NAALADL2: variants seen among roughly 807,000 people sequenced by gnomAD.
NAALADL2 encodes inactive N-acetylated-alpha-linked acidic dipeptidase-like protein 2.
Under a neutral mutation model 87.2 loss-of-function variants are expected in NAALADL2, and 76 were observed. The observed-to-expected ratio is 0.87, with a 90% confidence interval of 0.72 to 1.05. The LOEUF (loss-of-function observed/expected upper bound fraction) is 1.05, where lower values mean the gene tolerates loss of function less well. NAALADL2 is among the 50% of genes least tolerant of loss of function. The pLI is 0.00. For synonymous variants in NAALADL2, 354 were observed against 331.0 expected, an observed-to-expected ratio of 1.07 and a Z score of -0.75; for missense variants, 1,089 against 945.8, an observed-to-expected ratio of 1.15 and a Z score of -1.99.
At chr3:174,452,803 C>T (rs1263807741) in intron 1 of NAALADL2, among the ~76,000 whole-genome samples, 6 of 151,676 alleles carry the variant, frequency 4.0e-5, no homozygotes, top group South Asian at 4.2e-4. Context: ...CTTTAAAAAT[C>T]GAAGGAACAT....
At chr3:175,677,086 T>C (rs1267076246) in intron 11 of NAALADL2, among the ~76,000 whole-genome samples, 3 of 152,128 alleles carry the variant, frequency 2.0e-5, no homozygotes, top group Non-Finnish European at 4.4e-5. Flanking sequence ...AAGGACTGGC[T>C]GGGCATGGTG....
chr3:174,522,144 C>T (rs1263712458), intron 1 of NAALADL2, among the ~76,000 whole-genome samples: 2 of 152,250 alleles, frequency 1.3e-5, no homozygotes, highest in South Asian at 2.1e-4. Context: ...TGTTAATACA[C>T]GTCTCATAGA....
At chr3:175,721,555 A>G (rs1172972323) in intron 11 of NAALADL2, among the ~76,000 whole-genome samples, 1 of 152,096 alleles carries the variant, frequency 6.6e-6, no homozygotes, top group African/African-American at 2.4e-5. Flanking sequence ...TTTTCTAATT[A>G]GAGGATGAGC....
intron 3 of NAALADL2, among the ~76,000 whole-genome samples, chr3:174,847,690 T>A (rs1724785033): frequency 6.6e-6 from 1 of 152,156 alleles, no homozygotes; most frequent in South Asian, 2.1e-4. Flanking sequence ...AGCACCATTT[T>A]ATGGATGATG....
At chr3:174,951,118 A>G (rs944127791) in intron 1 of NAALADL2, among the ~76,000 whole-genome samples, 1 of 152,124 alleles carries the variant, frequency 6.6e-6, no homozygotes, top group African/African-American at 2.4e-5. Flanking sequence ...TTCAAATTAC[A>G]TCATTTCCTG....
intron 3 of NAALADL2, among the ~76,000 whole-genome samples, chr3:174,829,090 GTTT>G (rs201968760): frequency 1.4e-5 from 2 of 146,312 alleles, no homozygotes; most frequent in Non-Finnish European, 3.0e-5. Context: ...TATTACATCT[GTTT>G]TTTTTTGTTG....
At chr3:175,489,468 C>T (rs1212294493) in intron 9 of NAALADL2, among the ~76,000 whole-genome samples, 1 of 152,116 alleles carries the variant, frequency 6.6e-6, no homozygotes, top group Non-Finnish European at 1.5e-5. Flanking sequence ...GATGTTTCCT[C>T]AAGTCATTCT....
intron 11 of NAALADL2, among the ~76,000 whole-genome samples, chr3:175,723,093 A>T (rs1742459463): frequency 6.6e-6 from 1 of 152,088 alleles, no homozygotes; most frequent in South Asian, 2.1e-4. Context: ...GCGTCTAGTC[A>T]AGCTGTCCTA....
At chr3:174,451,387 A>T (rs1448107096) in intron 1 of NAALADL2, among the ~76,000 whole-genome samples, 1 of 152,234 alleles carries the variant, frequency 6.6e-6, no homozygotes, top group East Asian at 1.9e-4. Flanking sequence ...AAATATAAAA[A>T]TCTAATTGTG....
intron 1 of NAALADL2, among the ~76,000 whole-genome samples, chr3:175,094,064 G>A (rs1720667075): frequency 6.6e-6 from 1 of 151,748 alleles, no homozygotes; most frequent in Non-Finnish European, 1.5e-5. Context: ...CATTTCTGTA[G>A]TAACTCCCAT....
chr3:174,476,246 G>C (rs2108319869), intron 1 of NAALADL2, among the ~76,000 whole-genome samples: 1 of 151,214 alleles, frequency 6.6e-6, no homozygotes, highest in South Asian at 2.1e-4. Flanking sequence ...GCTGAAAACA[G>C]AGCAGTAGTC....
At chr3:175,362,000 G>A (rs1206679152) in intron 5 of NAALADL2, among the ~76,000 whole-genome samples, 17 of 147,884 alleles carry the variant, frequency 1.1e-4, no homozygotes, top group Non-Finnish European at 3.0e-5. Context: ...TATGGTTTTA[G>A]GTCTAACGTT....
At chr3:175,310,402 C>A (rs1758217480) in intron 4 of NAALADL2, among the ~76,000 whole-genome samples, 3 of 151,542 alleles carry the variant, frequency 2.0e-5, no homozygotes, top group Admixed American at 2.0e-4. Flanking sequence ...ATTTTGAAGG[C>A]AGTAGAAATA....
intron 5 of NAALADL2, among the ~76,000 whole-genome samples, chr3:175,352,020 T>C (rs1439942909): frequency 6.6e-6 from 1 of 151,996 alleles, no homozygotes; most frequent in Admixed American, 6.6e-5. Context: ...AGAATTTGAT[T>C]TGGATGTTGA....
chr3:175,068,286 A>G (rs1714923928), intron 1 of NAALADL2, among the ~76,000 whole-genome samples: 2 of 152,132 alleles, frequency 1.3e-5, no homozygotes, highest in South Asian at 4.1e-4. Context: ...ATTAGTTTTT[A>G]CACTTCTTAC....
intron 1 of NAALADL2, among the ~76,000 whole-genome samples, chr3:175,052,864 A>G (rs1755598351): frequency 6.6e-6 from 1 of 152,170 alleles, no homozygotes; most frequent in Non-Finnish European, 1.5e-5. Context: ...CAGATATAGG[A>G]ACTCTTGCTG....
At chr3:174,752,736 A>G (rs779627626) in intron 3 of NAALADL2, among the ~76,000 whole-genome samples, 5 of 152,050 alleles carry the variant, frequency 3.3e-5, no homozygotes, top group Non-Finnish European at 5.9e-5. Flanking sequence ...TTTTTTATGG[A>G]TAAAATACTT....
chr3:174,589,251 C>G (rs1717086974), intron 2 of NAALADL2, among the ~76,000 whole-genome samples: 1 of 152,288 alleles, frequency 6.6e-6, no homozygotes, highest in South Asian at 2.1e-4. Flanking sequence ...GTGGGAGTGT[C>G]CCAATTTTCC....
intron 13 of NAALADL2, among the ~76,000 whole-genome samples, chr3:175,764,097 T>G (rs1177209163): frequency 2.0e-5 from 3 of 151,170 alleles, no homozygotes; most frequent in Non-Finnish European, 4.4e-5. Context: ...GGCTAATTAT[T>G]TAAATTAACC....
Sources: allele counts gnomAD v4.1 joint callset (sites outside exome capture counted in the v4.1 genomes callset), GRCh38; gene constraint gnomAD v4.1.1; transcripts MANE v1.5; gene names NCBI Gene and HGNC (gene_info 2026-07-23, HGNC 2026-07-21).